The following TTLL5 variants were observed in gnomAD, a reference collection of about 807,000 sequenced individuals.
The protein encoded by TTLL5 is tubulin tyrosine ligase like 5.
In TTLL5, 132 loss-of-function variants were observed where a neutral mutation model predicts 168.4. The observed-to-expected ratio is 0.78, with a 90% confidence interval of 0.68 to 0.91. The LOEUF (loss-of-function observed/expected upper bound fraction) is 0.91, where lower values mean the gene tolerates loss of function less well. Among genes scored for constraint, TTLL5 ranks in the 40% least tolerant of loss-of-function variants. TTLL5 has a pLI of 0.00. For missense variants in TTLL5, 1,545 were observed against 1,581.5 expected, an observed-to-expected ratio of 0.98 and a Z score of 0.39; for synonymous variants, 546 against 558.6, an observed-to-expected ratio of 0.98 and a Z score of 0.32.
At chr14:75,777,828 G>T (rs992257143) in intron 23 of TTLL5, among the ~76,000 whole-genome samples, 45 of 151,846 alleles carry the variant, frequency 3.0e-4, no homozygotes, top group African/African-American at 1.0e-3. Context: ...ACTATCATGC[G>T]CTTTACAGCA....
intron 29 of TTLL5, among the ~76,000 whole-genome samples, chr14:75,866,418 A>T (rs2030524324): frequency 6.6e-6 from 1 of 151,500 alleles, no homozygotes; most frequent in Non-Finnish European, 1.5e-5. Flanking sequence ...AGTGTGGTTA[A>T]CTGCCTGTTT....
chr14:75,869,510 T>C (rs1359003849), intron 29 of TTLL5, among the ~76,000 whole-genome samples: 1 of 152,220 alleles, frequency 6.6e-6, no homozygotes, highest in Non-Finnish European at 1.5e-5. Flanking sequence ...GATGTGATAT[T>C]GATATTACCA....
chr14:75,698,021 C>T (rs1211964569), intron 6 of TTLL5, among the ~76,000 whole-genome samples: 2 of 152,202 alleles, frequency 1.3e-5, no homozygotes, highest in African/African-American at 4.8e-5. Flanking sequence ...AAAAAATTCT[C>T]TCAATTTTTA....
At chr14:75,798,249 C>T (rs1052169343) in intron 27 of TTLL5, among the ~76,000 whole-genome samples, 7 of 151,964 alleles carry the variant, frequency 4.6e-5, no homozygotes, top group Non-Finnish European at 1.0e-4. Context: ...TCATAGTAGC[C>T]TTGAGTTATC....
At position 75,764,153 on chromosome 14, in the gene TTLL5, G is replaced by A. The variant is rs138617184; in HGVS notation, c.1551-462G>A. Among the ~76,000 whole-genome samples, 69 of 152,166 alleles carry A rather than the reference G, an allele frequency of 4.5e-4. No homozygotes were observed. The East Asian group carries it at 0.011, about 23-fold the overall frequency. ...CTTTGTTCCCCTCATCTGAACCTCTGCTAAATCCATATTGTTTAGATTTTA... is the reference window on the plus strand; with the variant it reads ...CTTTGTTCCCCTCATCTGAACCTCTACTAAATCCATATTGTTTAGATTTTA... On this transcript the variant is annotated intron_variant, in intron 18 of 31. Transcript: ENST00000298832.
chr14:75,819,561 C>T (rs1013415960), intron 27 of TTLL5, among the ~76,000 whole-genome samples: 14 of 152,060 alleles, frequency 9.2e-5, no homozygotes, highest in Non-Finnish European at 1.8e-4. Flanking sequence ...TTCTCCTAAC[C>T]GTCTTTTTTC....
chr14:75,928,367 A>C (rs979174819), intron 31 of TTLL5, among the ~76,000 whole-genome samples: 1 of 140,100 alleles, frequency 7.1e-6, no homozygotes, highest in Non-Finnish European at 1.5e-5. Flanking sequence ...ATATATATAT[A>C]TCACTGTATT....
intron 2 of TTLL5, among the ~76,000 whole-genome samples, chr14:75,668,810 G>A (rs1274160698): frequency 6.6e-6 from 1 of 152,174 alleles, no homozygotes; most frequent in African/African-American, 2.4e-5. Flanking sequence ...GAACTCATCA[G>A]TTAGGATTCT....
At chr14:75,713,582 G>C (rs937894276) in intron 9 of TTLL5, among the ~76,000 whole-genome samples, 4 of 152,184 alleles carry the variant, frequency 2.6e-5, no homozygotes, top group Admixed American at 1.3e-4. Flanking sequence ...TAGAGAAATG[G>C]TGTTGAAACT....
intron 28 of TTLL5, among the ~76,000 whole-genome samples, chr14:75,830,721 T>G (rs1895512996): frequency 6.6e-6 from 1 of 152,238 alleles, no homozygotes; most frequent in Non-Finnish European, 1.5e-5. Flanking sequence ...CTCTTTCACT[T>G]AAGTGTATGT....
At chr14:75,775,458 T>C in intron 21 of TTLL5, 26 bp from the exon 22 acceptor site, 1 of 1,610,714 alleles carries the variant, frequency 6.2e-7, no homozygotes, top group Non-Finnish European at 8.5e-7. Flanking sequence ...TCCTTTTTTT[T>C]TCTCCCACGA....
At position 75,768,944 on chromosome 14, in the gene TTLL5, CAA is replaced by C. The variant is rs1309395695; in HGVS notation, c.2015+2578_2015+2579del. Among the ~76,000 whole-genome samples the C allele has an allele frequency of 3.3e-5, 5 of 152,120 alleles. No homozygotes were observed. The East Asian group carries it at 9.6e-4, about 29-fold the overall frequency. On this transcript the variant is annotated intron_variant, in intron 20 of 31. Transcript: ENST00000298832. ...ACTGGCCGTGTGGTCATAGACAAGT[CAA>C]AGAGCTTCTATAGGCCTCAGTTTCC... is the stretch of plus-strand genomic sequence containing the variant.
chr14:75,690,381 C>G, intron 6 of TTLL5, 59 bp downstream of exon 6: 1 of 1,536,104 alleles, frequency 6.5e-7, no homozygotes, highest in Non-Finnish European at 8.7e-7. Flanking sequence ...GAATATTTAC[C>G]CCAAAAGCCT....
At chr14:75,947,920 A>G (rs921306547) in intron 31 of TTLL5, among the ~76,000 whole-genome samples, 9 of 146,638 alleles carry the variant, frequency 6.1e-5, no homozygotes, top group Admixed American at 2.1e-4. Flanking sequence ...AGCCTGGGCA[A>G]CAGAGCAAGA....
chr14:75,893,386 C>T (rs920448626), intron 30 of TTLL5, among the ~76,000 whole-genome samples: 7 of 152,168 alleles, frequency 4.6e-5, no homozygotes, highest in African/African-American at 9.7e-5. Context: ...AGAAAATCTG[C>T]GTAAATGACA....
intron 28 of TTLL5, among the ~76,000 whole-genome samples, chr14:75,830,913 A>G (rs922077591): frequency 6.6e-6 from 1 of 152,208 alleles, no homozygotes; most frequent in African/African-American, 2.4e-5. Flanking sequence ...TCTCATCCTT[A>G]ATGCCTTTCA....
chr14:75,837,588 A>G (rs997256103), intron 28 of TTLL5, among the ~76,000 whole-genome samples: 1 of 152,080 alleles, frequency 6.6e-6, no homozygotes, highest in East Asian at 1.9e-4. Flanking sequence ...TCATTAAGCA[A>G]TAACTCTACA....
chr14:75,936,529 G>T (rs1298068345), intron 31 of TTLL5, among the ~76,000 whole-genome samples: 5 of 152,118 alleles, frequency 3.3e-5, no homozygotes, highest in African/African-American at 1.2e-4. Context: ...CTTCCATGTG[G>T]CAAGATCAGA....
At chr14:75,885,572 C>T (rs368017488) in intron 30 of TTLL5, among the ~76,000 whole-genome samples, 72 of 152,336 alleles carry the variant, frequency 4.7e-4, no homozygotes, top group African/African-American at 1.6e-3. Context: ...TGTACCATAC[C>T]AGGAAACTGT....
Sources: allele counts gnomAD v4.1 joint callset (sites outside exome capture counted in the v4.1 genomes callset), GRCh38; gene constraint gnomAD v4.1.1; transcripts MANE v1.5; gene names NCBI Gene and HGNC (gene_info 2026-07-23, HGNC 2026-07-21).